Variants in EPB41L4B observed in about 807,000 individuals in gnomAD.
The protein encoded by EPB41L4B is band 4.1-like protein 4B.
Under a neutral mutation model 112.5 loss-of-function variants are expected in EPB41L4B, and 30 were observed. The observed-to-expected ratio is 0.27, with a 90% CI of 0.20 to 0.36. The LOEUF is 0.36. EPB41L4B is among the 10% of genes least tolerant of loss of function. EPB41L4B has a pLI of 1.00. For missense variants in EPB41L4B, 1,024 were observed against 1,133.3 expected, an observed-to-expected ratio of 0.90 and a Z score of 1.38; for synonymous variants, 408 against 439.7, an observed-to-expected ratio of 0.93 and a Z score of 0.90.
intron 15 of EPB41L4B, among the ~76,000 whole-genome samples, chr9:109,223,532 C>T (rs183128620): frequency 6.6e-6 from 1 of 152,134 alleles, no homozygotes; most frequent in African/African-American, 2.4e-5. Context: ...TTTCTCTCAA[C>T]AACAAGGCTG....
chr9:109,236,620 T>C (rs1361228546), intron 15 of EPB41L4B, among the ~76,000 whole-genome samples: 1 of 152,182 alleles, frequency 6.6e-6, no homozygotes. Context: ...TCCACATTTT[T>C]AGTAAGTTGT....
At chr9:109,175,464 T>C (rs971588912) in intron 25 of EPB41L4B, among the ~76,000 whole-genome samples, 1 of 103,914 alleles carries the variant, frequency 9.6e-6, no homozygotes, top group African/African-American at 3.3e-5. Context: ...GTCTCCACTG[T>C]TTAAACACAC....
At chr9:109,182,693 G>A in intron 24 of EPB41L4B, 36 bp downstream of exon 24, 1 of 1,524,768 alleles carries the variant, frequency 6.6e-7, no homozygotes, top group African/African-American at 1.4e-5. Context: ...GGGAACAAGG[G>A]TTTAAAATGC....
At chr9:109,282,749 G>A (rs1836116153) in intron 1 of EPB41L4B, among the ~76,000 whole-genome samples, 1 of 152,036 alleles carries the variant, frequency 6.6e-6, no homozygotes, top group Non-Finnish European at 1.5e-5. Context: ...GGAGTGCAGT[G>A]GTGCAATCTT....
At position 109,173,907 on chromosome 9, in the gene EPB41L4B, T is replaced by C. The variant is rs1460835329; in HGVS notation, c.*647A>G. On this transcript the variant is annotated 3_prime_UTR_variant, in exon 26 of 26. Coordinates refer to ENST00000374566, the MANE Select transcript of EPB41L4B (RefSeq NM_019114.5). The stretch of plus-strand genomic sequence containing the variant: ...ATTTTTAGACAATGTAAGCTATCAT[T>C]TCCTACTTTGGGTTCAATGATAAAT... The C allele has an allele frequency of 6.6e-6, 1 of 152,284 alleles. No individual in the cohort carries two copies. Among genetic ancestry groups the C allele is most frequent in the Non-Finnish European group, 1.5e-5 (1 of 68,044 alleles). 9.4% of individuals were successfully genotyped at this position (152,284 alleles called of 1,614,324 possible).
intron 18 of EPB41L4B, 108 bp downstream of exon 18, chr9:109,207,816 T>A (rs1296199097): frequency 2.1e-6 from 3 of 1,405,932 alleles, no homozygotes; most frequent in East Asian, 2.3e-5. Flanking sequence ...ATCTCCTGAC[T>A]GGACCCTGAC....
chr9:109,281,641 T>C (rs1214851688), intron 1 of EPB41L4B, among the ~76,000 whole-genome samples: 1 of 152,060 alleles, frequency 6.6e-6, no homozygotes, highest in Non-Finnish European at 1.5e-5. Flanking sequence ...GCCGAGATTG[T>C]GCCACTGCAC....
chr9:109,198,340 G>A (rs2118727641), intron 20 of EPB41L4B, among the ~76,000 whole-genome samples: 1 of 152,200 alleles, frequency 6.6e-6, no homozygotes. Flanking sequence ...CTATGGCCAG[G>A]GTATTGGGGC....
intron 13 of EPB41L4B, among the ~76,000 whole-genome samples, chr9:109,248,370 T>G (rs1221949221): frequency 6.6e-6 from 1 of 152,198 alleles, no homozygotes; most frequent in Non-Finnish European, 1.5e-5. Flanking sequence ...TATTATTTAA[T>G]CCACACGACA....
intron 15 of EPB41L4B, among the ~76,000 whole-genome samples, chr9:109,229,772 T>C (rs1833896086): frequency 6.6e-6 from 1 of 152,340 alleles, no homozygotes; most frequent in East Asian, 1.9e-4. Flanking sequence ...GCAAGTGGGC[T>C]GAACCATTTA....
rs1309709427 is a variant in EPB41L4B at position 109,223,331 on chromosome 9, AG to A, written c.1410-6187del. Among the ~76,000 whole-genome samples the A allele has an allele frequency of 2.6e-5, 4 of 151,380 alleles. No individual in the cohort carries two copies. In the East Asian group the frequency reaches 7.8e-4, roughly 30 times the overall value. ...CATACTGTGGTCCTAGCTACTCAGG[AG>A]GCTTAGATGGAGAATTGCTTGAGCC... On this transcript the variant is annotated intron_variant, in intron 15 of 25. Transcript: ENST00000374566.
At chr9:109,183,383 T>A (rs1405717835) in intron 23 of EPB41L4B, among the ~76,000 whole-genome samples, 1 of 152,070 alleles carries the variant, frequency 6.6e-6, no homozygotes, top group East Asian at 1.9e-4. Context: ...CATGGGAGAA[T>A]CCTGCCCCCA....
At position 109,172,322 on chromosome 9, in the gene EPB41L4B, A is replaced by C. The variant is rs1831659848; in HGVS notation, c.*2232T>G. 2.6e-5 allele frequency: 4 copies of C among 152,276 alleles called. No individual in the cohort carries two copies. In the East Asian group the frequency reaches 7.7e-4, roughly 29 times the overall value. The allele number at this position is 152,276 out of a possible 1,614,324, so 9.4% of individuals were successfully genotyped here. On this transcript the variant is annotated 3_prime_UTR_variant, in exon 26 of 26. Coordinates refer to ENST00000374566, the MANE Select transcript of EPB41L4B (RefSeq NM_019114.5). The stretch of plus-strand genomic sequence containing the variant: ...GCAGAAGCCTCAGAAAGCAGGTTAG[A>C]AGAGGAAGAGGGTGCTGGGTTGGCA...
At chr9:109,298,944 C>T (rs1251488485) in intron 1 of EPB41L4B, among the ~76,000 whole-genome samples, 2 of 152,184 alleles carry the variant, frequency 1.3e-5, no homozygotes. Flanking sequence ...ACTGAACCCC[C>T]CACAGTCCCT....
At chr9:109,263,679 T>C (rs965100272) in intron 5 of EPB41L4B, among the ~76,000 whole-genome samples, 18 of 152,236 alleles carry the variant, frequency 1.2e-4, no homozygotes, top group Admixed American at 9.8e-4. Flanking sequence ...ATGACATACA[T>C]TGGTATAGCA....
intron 1 of EPB41L4B, among the ~76,000 whole-genome samples, chr9:109,299,330 C>T (rs1470758728): frequency 6.6e-6 from 1 of 152,148 alleles, no homozygotes; most frequent in African/African-American, 2.4e-5. Context: ...GGCTGGAGTA[C>T]AGTGGTGCCA....
rs1436340557 is a variant in EPB41L4B, at chr9:109,255,578, G to T, written c.1102C>A (p.Arg368=). 8 of 1,614,072 alleles carry T rather than the reference G, an allele frequency of 5.0e-6. No homozygotes were observed. Among genetic ancestry groups the T allele is most frequent in the African/African-American group, 1.3e-5 (1 of 74,930 alleles). ...TTGGATTTGCTGTTTCCTGGCGTCC[G>T]CAGTCGGAAGAATGCGTGGTGCTCA... ...AVEHHAFFRL[R]TPGNSKSNRS... is the part of the protein sequence containing the mutation. The change falls in exon 11 of 26, where the codon CGG becomes AGG. Residue 368 remains arginine (R), a synonymous_variant. Transcript: ENST00000374566.
chr9:109,201,455 A>AAAAAAAAAAAAAG (rs746768403), intron 19 of EPB41L4B, among the ~76,000 whole-genome samples: 9 of 137,988 alleles, frequency 6.5e-5, no homozygotes, highest in African/African-American at 1.1e-4. Context: ...GTCTCAAAAA[A>AAAAAAAAAAAAAG]AAAAAAAAAA....
At chr9:109,227,630 G>A (rs183261671) in intron 15 of EPB41L4B, among the ~76,000 whole-genome samples, 3 of 151,530 alleles carry the variant, frequency 2.0e-5, no homozygotes, top group African/African-American at 7.3e-5. Context: ...TCATCAGGCT[G>A]GGGTGCAGTG....
Sources: gnomAD v4.1 joint callset for allele counts (sites outside exome capture counted in the v4.1 genomes callset) on GRCh38, gnomAD v4.1.1 for gene constraint, MANE v1.5 for transcripts, NCBI Gene and HGNC (gene_info 2026-07-23, HGNC 2026-07-21) for gene names.